Variants in RALYL observed in about 807,000 individuals in gnomAD.
The protein encoded by RALYL is RALY RNA binding protein like.
RALYL carries 29 observed loss-of-function variants against 35.1 expected under a neutral mutation model. The observed-to-expected ratio is 0.83, with a 90% CI of 0.61 to 1.13. RALYL has a LOEUF of 1.13. RALYL is among the 50% of genes most tolerant of loss of function. RALYL has a pLI of 0.00. For missense variants in RALYL, 359 were observed against 360.4 expected (o/e 1.00, Z 0.03); for synonymous variants, 120 against 127.6 (o/e 0.94, Z 0.40).
At chr8:84,264,469 T>G (rs1353812928) in intron 1 of RALYL, among the ~76,000 whole-genome samples, 1 of 144,592 alleles carries the variant, frequency 6.9e-6, no homozygotes, top group Non-Finnish European at 1.5e-5. Flanking sequence ...TTTTTTTTTG[T>G]AAATTTGTTT....
At chr8:84,530,533 TTCGCTTGTC>T (rs2059210849) in intron 2 of RALYL, among the ~76,000 whole-genome samples, 1 of 151,964 alleles carries the variant, frequency 6.6e-6, no homozygotes, top group Non-Finnish European at 1.5e-5. Context: ...CATCATCAAG[TTCGCTTGTC>T]AATATATTAC....
Position 84,585,281 on chromosome 8 carries a change from C to A in RALYL, c.256+55704C>A, listed in dbSNP as rs77978367. ...CTATGTTTGTGTCTGATCTGCCTGT[C>A]TAGTTTGGAATAAAAGCCCTCTGGG... On this transcript the variant is annotated intron_variant, in intron 2 of 8. Transcript: ENST00000521268. 1.8e-3 allele frequency among the ~76,000 whole-genome samples: 279 copies of A among 152,176 alleles called. 2 individuals carry two copies. Among genetic ancestry groups the A allele is most frequent in the African/African-American group, 6.6e-3 (273 of 41,528 alleles).
In RALYL at chr8:84,764,238, T is replaced by C. The variant is rs189183113; in HGVS notation, c.257-10341T>C. ...ATTATGATGCCTGTTACATTTTCTA[T>C]AGTTAGCGGCAGGTTTGCTTTTCTC... is the stretch of plus-strand genomic sequence containing the variant. On this transcript the variant is annotated intron_variant, in intron 2 of 8. Coordinates refer to ENST00000521268, the MANE Select transcript of RALYL (RefSeq NM_173848.7). Among the ~76,000 whole-genome samples, 16 of 152,282 alleles carry C rather than the reference T, an allele frequency of 1.1e-4. No homozygotes were observed. The East Asian group carries it at 2.5e-3, about 24-fold the overall frequency.
At chr8:84,722,381 T>G (rs1390986064) in intron 2 of RALYL, among the ~76,000 whole-genome samples, 1 of 151,706 alleles carries the variant, frequency 6.6e-6, no homozygotes, top group Non-Finnish European at 1.5e-5. Context: ...CCTTCTTAGC[T>G]GAGATGATTA....
intron 2 of RALYL, among the ~76,000 whole-genome samples, chr8:84,603,261 A>C (rs1056941973): frequency 6.6e-6 from 1 of 152,028 alleles, no homozygotes; most frequent in East Asian, 1.9e-4. Flanking sequence ...CCCCCAAAAC[A>C]TGACACACTG....
intron 1 of RALYL, among the ~76,000 whole-genome samples, chr8:84,347,332 T>C (rs1320531666): frequency 1.3e-5 from 2 of 152,150 alleles, no homozygotes; most frequent in East Asian, 3.9e-4. Context: ...CATTTCTTCA[T>C]TTTCCTTGTG....
At chr8:84,771,564 G>A (rs1004066382) in intron 2 of RALYL, among the ~76,000 whole-genome samples, 10 of 151,954 alleles carry the variant, frequency 6.6e-5, no homozygotes, top group African/African-American at 2.4e-4. Context: ...ATATTACCAG[G>A]CTTTGTAAAA....
chr8:84,651,036 A>G, intron 2 of RALYL, among the ~76,000 whole-genome samples: 1 of 151,920 alleles, frequency 6.6e-6, no homozygotes, highest in Non-Finnish European at 1.5e-5. Flanking sequence ...ACACATGGAC[A>G]CAGGAAGGGG....
chr8:84,264,449 G>GT (rs373596991), intron 1 of RALYL, among the ~76,000 whole-genome samples: 2,219 of 121,130 alleles, frequency 0.018, 29 homozygotes, highest in South Asian at 0.04. Flanking sequence ...CTTTTTAATG[G>GT]TTTTTTTTTT....
intron 3 of RALYL, among the ~76,000 whole-genome samples, chr8:84,782,317 G>A (rs1274159497): frequency 6.6e-6 from 1 of 152,158 alleles, no homozygotes; most frequent in Non-Finnish European, 1.5e-5. Flanking sequence ...CAGCTTCTAA[G>A]TCTAGAAGAA....
At chr8:84,266,656 T>C (rs1833352648) in intron 1 of RALYL, among the ~76,000 whole-genome samples, 1 of 152,052 alleles carries the variant, frequency 6.6e-6, no homozygotes, top group South Asian at 2.1e-4. Flanking sequence ...AATTACAACC[T>C]CAGTAGGTAA....
intron 1 of RALYL, among the ~76,000 whole-genome samples, chr8:84,188,030 A>T (rs1278500893): frequency 3.3e-5 from 5 of 152,122 alleles, no homozygotes; most frequent in Non-Finnish European, 7.4e-5. Context: ...GAATTTGAGA[A>T]AAATATTTCA....
At chr8:84,238,417 A>G (rs1275777185) in intron 1 of RALYL, among the ~76,000 whole-genome samples, 3 of 151,732 alleles carry the variant, frequency 2.0e-5, no homozygotes, top group Admixed American at 2.0e-4. Context: ...TTTGTTCTTT[A>G]TTTATATTTA....
At chr8:84,803,135 C>A (rs757619591) in intron 3 of RALYL, among the ~76,000 whole-genome samples, 9 of 152,190 alleles carry the variant, frequency 5.9e-5, no homozygotes, top group Non-Finnish European at 8.8e-5. Flanking sequence ...GCAAATCACA[C>A]ACATACACTA....
At chr8:84,678,951 A>G in intron 2 of RALYL, 1 of 248,012 alleles carries the variant, frequency 4.0e-6, no homozygotes, top group Non-Finnish European at 8.3e-6. Context: ...TGAGAATGAC[A>G]TTCAACAACT....
At chr8:84,545,525 A>C (rs1314435467) in intron 2 of RALYL, among the ~76,000 whole-genome samples, 1 of 152,160 alleles carries the variant, frequency 6.6e-6, no homozygotes, top group Non-Finnish European at 1.5e-5. Context: ...ACTTTGTGAT[A>C]TTGGAACTCT....
intron 2 of RALYL, among the ~76,000 whole-genome samples, chr8:84,661,564 T>G (rs1444451582): frequency 1.3e-5 from 2 of 151,668 alleles, no homozygotes; most frequent in African/African-American, 4.8e-5. Flanking sequence ...AGGCATGGCT[T>G]TAATTTATGG....
chr8:84,734,297 T>G (rs1254006712), intron 2 of RALYL, among the ~76,000 whole-genome samples: 1 of 152,198 alleles, frequency 6.6e-6, no homozygotes, highest in African/African-American at 2.4e-5. Flanking sequence ...ATATCTTTAC[T>G]CATCTTTTTA....
intron 4 of RALYL, among the ~76,000 whole-genome samples, chr8:84,818,721 T>C (rs1306549356): frequency 6.6e-6 from 1 of 152,160 alleles, no homozygotes; most frequent in Non-Finnish European, 1.5e-5. Flanking sequence ...AGTGATATTA[T>C]CCAAAGTGAG....
Sources: gnomAD v4.1 joint callset for allele counts (sites outside exome capture counted in the v4.1 genomes callset) on GRCh38, gnomAD v4.1.1 for gene constraint, MANE v1.5 for transcripts, NCBI Gene and HGNC (gene_info 2026-07-23, HGNC 2026-07-21) for gene names.